P3H2: variants seen among roughly 807,000 people sequenced by gnomAD.
P3H2 encodes leprecan-like 1.
In P3H2, 80 loss-of-function variants were observed where a neutral mutation model predicts 87.0. The observed-to-expected ratio is 0.92, with a 90% confidence interval of 0.77 to 1.11. The LOEUF (loss-of-function observed/expected upper bound fraction) is 1.11. Among genes scored for constraint, P3H2 ranks in the 50% least tolerant of loss-of-function variants. The pLI, the probability that P3H2 is intolerant of heterozygous loss-of-function variation, is 0.00. For synonymous variants in P3H2, 367 were observed against 359.3 expected, an observed-to-expected ratio of 1.02 and a Z score of -0.24; for missense variants, 1,001 against 923.9, an observed-to-expected ratio of 1.08 and a Z score of -1.08.
chr3:190,023,628 C>A (rs1181292433), intron 1 of P3H2, among the ~76,000 whole-genome samples: 1 of 152,050 alleles, frequency 6.6e-6, no homozygotes, highest in Non-Finnish European at 1.5e-5. Context: ...ACATGGGCGG[C>A]GGGGATTATG....
At chr3:189,984,678 A>G in intron 6 of P3H2, 88 bp from the exon 7 acceptor site, 1 of 895,468 alleles carries the variant, frequency 1.1e-6, no homozygotes, top group South Asian at 1.4e-5. Context: ...AATATGCACA[A>G]AACATTCAAA....
intron 3 of P3H2, among the ~76,000 whole-genome samples, chr3:189,989,951 T>C (rs1303610540): frequency 1.3e-5 from 2 of 152,216 alleles, no homozygotes; most frequent in African/African-American, 2.4e-5. Flanking sequence ...TGAAGATGGA[T>C]GTATTTTCCA....
In P3H2 at chr3:189,973,950, T is replaced by C; in HGVS notation, c.1507A>G (p.Asn503Asp). The C allele has an allele frequency of 4.3e-6, 7 of 1,614,148 alleles. No homozygotes were observed. Among genetic ancestry groups the C allele is most frequent in the Non-Finnish European group, 5.9e-6 (7 of 1,180,014 alleles). ...ACAGTTGCACCTTCAAACTTTTCAT[T>C]GGGTGTATGGGGTGAAGTTTTTCCT... ...YRGKTSPHTP[N>D]EKFEGATVLK... Residue 503 changes from asparagine (N) to aspartate (D), a missense_variant, in exon 10 of 15, where the codon AAT (asparagine) becomes GAT (aspartate). Coordinates refer to ENST00000319332, the MANE Select transcript of P3H2 (RefSeq NM_018192.4).
intron 1 of P3H2, among the ~76,000 whole-genome samples, chr3:190,051,169 G>A (rs554601712): frequency 7.2e-5 from 11 of 152,232 alleles, no homozygotes; most frequent in Admixed American, 2.6e-4. Flanking sequence ...CATTTGATGC[G>A]GGTACAGGTT....
At chr3:190,036,332 T>A (rs9851983) in intron 1 of P3H2, among the ~76,000 whole-genome samples, 122,485 of 152,160 alleles carry the variant, frequency 0.8, 49,359 homozygotes, top group East Asian at 0.86. Context: ...CATATAGACT[T>A]CATACATGTT....
rs562674418 is a variant in P3H2 at position 189,994,166 on chromosome 3, A to G, written c.751T>C (p.Cys251Arg). 1.9e-6 allele frequency: 3 copies of G among 1,613,788 alleles called. No homozygotes were observed. Among genetic ancestry groups the G allele is most frequent in the East Asian group, 2.2e-5 (1 of 44,878 alleles). ...TCTTCAAATCTCTGAGGCCCCTCAC[A>G]TAGGGTCCGGCATTCTGTATCTTCA... is the stretch of plus-strand genomic sequence containing the variant. ...FVEDTECRTL[C>R]EGPQRFEEYE... Residue 251 changes from cysteine to arginine, a missense_variant, in exon 3 of 15, where the codon TGT becomes CGT. Cys to Arg is a radical substitution (Grantham distance 180). Coordinates refer to ENST00000319332, the MANE Select transcript of P3H2 (RefSeq NM_018192.4).
chr3:189,959,643 G>A (rs1337158900), intron 14 of P3H2, among the ~76,000 whole-genome samples: 1 of 151,724 alleles, frequency 6.6e-6, no homozygotes, highest in African/African-American at 2.4e-5. Flanking sequence ...TCCCTAATCC[G>A]ATTCTGAATT....
At chr3:189,988,783 G>A (rs1723785495) in intron 4 of P3H2, 124 bp downstream of exon 4, 1 of 1,220,426 alleles carries the variant, frequency 8.2e-7, no homozygotes, top group Admixed American at 1.7e-5. Context: ...GAGAAGAAAT[G>A]CATAAATTCC....
intron 1 of P3H2, among the ~76,000 whole-genome samples, chr3:190,002,734 G>A (rs185037585): frequency 5.9e-5 from 9 of 152,218 alleles, no homozygotes; most frequent in Admixed American, 5.9e-4. Flanking sequence ...ACTAAAGCTG[G>A]CATATTTCAC....
intron 1 of P3H2, among the ~76,000 whole-genome samples, chr3:190,107,419 A>G (rs1032071474): frequency 2.0e-5 from 3 of 152,164 alleles, no homozygotes; most frequent in Admixed American, 6.5e-5. Context: ...ACGAATAAGG[A>G]TTTTAATTTC....
chr3:190,108,779 T>A (rs1376736126), intron 1 of P3H2, among the ~76,000 whole-genome samples: 2 of 152,230 alleles, frequency 1.3e-5, no homozygotes, highest in Non-Finnish European at 2.9e-5. Context: ...AAATTGCTGA[T>A]AGAGAAAACA....
Position 189,957,513 on chromosome 3 carries a change from T to TG in P3H2, c.*398_*399insC. The TG allele has an allele frequency of 2.5e-6, 1 of 395,042 alleles. No homozygotes were observed. Among genetic ancestry groups the TG allele is most frequent in the Non-Finnish European group, 4.5e-6 (1 of 222,898 alleles). The allele number at this position is 395,042 out of a possible 1,614,324, so 24.5% of individuals were successfully genotyped here. ...AGGAGGTGAACTGGGCTTTGATAGA[T>TG]ACATGAAATGATGAAAAACCAAGAA... On this transcript the variant is annotated 3_prime_UTR_variant, in exon 15 of 15. Coordinates refer to ENST00000319332, the MANE Select transcript of P3H2 (RefSeq NM_018192.4).
intron 1 of P3H2, among the ~76,000 whole-genome samples, chr3:190,025,050 C>T (rs796180206): frequency 3.3e-5 from 5 of 152,200 alleles, no homozygotes; most frequent in African/African-American, 1.2e-4. Context: ...TCTGTCGAGT[C>T]CTTGATATAT....
intron 1 of P3H2, among the ~76,000 whole-genome samples, chr3:190,097,270 T>C (rs1727615978): frequency 6.6e-6 from 1 of 151,756 alleles, no homozygotes; most frequent in Admixed American, 6.6e-5. Context: ...CTCTCACAGA[T>C]GTGATGCATT....
chr3:190,029,077 T>C (rs1425416045), intron 1 of P3H2, among the ~76,000 whole-genome samples: 1 of 152,216 alleles, frequency 6.6e-6, no homozygotes, highest in Non-Finnish European at 1.5e-5. Flanking sequence ...TGCCAAATTC[T>C]AGTGTTCCGG....
intron 1 of P3H2, among the ~76,000 whole-genome samples, chr3:190,065,851 C>G (rs1459503064): frequency 5.3e-5 from 8 of 152,056 alleles, no homozygotes; most frequent in African/African-American, 1.9e-4. Flanking sequence ...AGGCTATGAA[C>G]TTTCCCCTTA....
chr3:189,986,663 CCTCAAGGAGGGCATCGAAAT>C, intron 6 of P3H2, 105 bp downstream of exon 6: 1 of 727,050 alleles, frequency 1.4e-6, no homozygotes, highest in Admixed American at 2.1e-5. Context: ...CCAATTTTTA[CCTCAAGGAGGGCATCGAAAT>C]CTTAGCTTTT....
intron 1 of P3H2, among the ~76,000 whole-genome samples, chr3:190,096,325 G>C (rs1239375807): frequency 6.6e-6 from 1 of 152,164 alleles, no homozygotes; most frequent in Non-Finnish European, 1.5e-5. Context: ...CTCCCTTGCT[G>C]TTCTCATGAT....
chr3:190,026,550 T>C (rs1725091379), intron 1 of P3H2, among the ~76,000 whole-genome samples: 1 of 152,202 alleles, frequency 6.6e-6, no homozygotes, highest in South Asian at 2.1e-4. Flanking sequence ...CTCAGGAAGT[T>C]ACCCTATATG....
Sources: gnomAD v4.1 joint callset for allele counts (sites outside exome capture counted in the v4.1 genomes callset) on GRCh38, gnomAD v4.1.1 for gene constraint, MANE v1.5 for transcripts, NCBI Gene and HGNC (gene_info 2026-07-23, HGNC 2026-07-21) for gene names.